Variants in LCORL observed in about 807,000 individuals in gnomAD.
The protein encoded by LCORL is ligand-dependent nuclear receptor corepressor-like protein.
A neutral mutation model predicts 141.8 loss-of-function variants in LCORL; 41 were observed. That is an observed-to-expected ratio of 0.29 (90% CI 0.23 to 0.38). LCORL has a LOEUF of 0.38. Ranked by LOEUF, LCORL falls within the 10% of genes least tolerant of loss-of-function variation. The pLI is 1.00. For missense variants in LCORL, 1,759 were observed against 2,035.0 expected, an observed-to-expected ratio of 0.86 and a Z score of 2.61; for synonymous variants, 618 against 694.1, an observed-to-expected ratio of 0.89 and a Z score of 1.72.
Position 17,886,207 on chromosome 4 carries a change from G to T in LCORL, c.683-46C>A, listed in dbSNP as rs745540156. 3.8e-5 allele frequency: 34 copies of T among 899,388 alleles called. No individual in the cohort carries two copies. In the East Asian group the frequency reaches 8.1e-4, roughly 21 times the overall value. The allele number at this position is 899,388 out of a possible 1,614,324, so 55.7% of individuals were successfully genotyped here. On this transcript the variant is annotated intron_variant, in intron 5 of 7. Coordinates refer to ENST00000635767, the Ensembl canonical transcript of LCORL. ...AAAACTTTATATTTGCAACAGATAG[G>T]CAATCCTTACATTTTAATATTTCAT...
At chr4:18,006,489 A>G (rs927709195) in intron 1 of LCORL, among the ~76,000 whole-genome samples, 4 of 152,078 alleles carry the variant, frequency 2.6e-5, no homozygotes, top group African/African-American at 9.7e-5. Flanking sequence ...AATTTACTGT[A>G]TTAGTCCATT....
chr4:17,882,121 G>T, intron 6 of LCORL: 3 of 984,130 alleles, frequency 3.0e-6, no homozygotes, highest in Non-Finnish European at 3.6e-6. Context: ...CATGTAAGCA[G>T]TTTTAAAATT....
chr4:17,877,358 G>T (rs1727034244), exon 7 of LCORL: 2 of 1,230,148 alleles, frequency 1.6e-6, no homozygotes, highest in Admixed American at 8.5e-5. Context: ...TCATATCCGT[G>T]GTTTCTATTG....
chr4:17,989,771 A>G (rs1194273919), intron 1 of LCORL, among the ~76,000 whole-genome samples: 1 of 152,246 alleles, frequency 6.6e-6, no homozygotes, highest in Non-Finnish European at 1.5e-5. Flanking sequence ...CTGTGCCTTA[A>G]AACAACACAA....
intron 4 of LCORL, among the ~76,000 whole-genome samples, chr4:17,955,134 A>G (rs1361374316): frequency 6.6e-6 from 1 of 152,210 alleles, no homozygotes; most frequent in Non-Finnish European, 1.5e-5. Flanking sequence ...GGTCAAGAAG[A>G]AGAAAACCAG....
chr4:17,965,329 C>A (rs558954728), intron 2 of LCORL, among the ~76,000 whole-genome samples: 1 of 152,166 alleles, frequency 6.6e-6, no homozygotes, highest in South Asian at 2.1e-4. Flanking sequence ...AAAATCAACT[C>A]TAGGCCAGAT....
At chr4:17,947,112 G>A (rs1434070299) in intron 4 of LCORL, among the ~76,000 whole-genome samples, 2 of 151,974 alleles carry the variant, frequency 1.3e-5, no homozygotes, top group Non-Finnish European at 2.9e-5. Context: ...ATCAAGCTAA[G>A]TGTCCAGCCG....
chr4:17,999,003 TACAC>T lies in LCORL; in HGVS notation c.154+22591_154+22594del, dbSNP rs1164083963. 1.2e-3 allele frequency among the ~76,000 whole-genome samples: 80 copies of T among 64,996 alleles called. 1 individual carries two copies. Among genetic ancestry groups the T allele is most frequent in the African/African-American group, 3.4e-3 (61 of 17,990 alleles). The allele number at this position is 64,996 out of a possible 152,430, so 42.6% of individuals were successfully genotyped here. ...AAAAAAAAATATATATATATATATA[TACAC>T]ACATATATATATATATATATATAGT... On this transcript the variant is annotated intron_variant, in intron 1 of 7. Coordinates refer to ENST00000635767, the Ensembl canonical transcript of LCORL.
chr4:17,970,698 C>G (rs1415082463), intron 2 of LCORL, among the ~76,000 whole-genome samples: 1 of 152,180 alleles, frequency 6.6e-6, no homozygotes, highest in African/African-American at 2.4e-5. Context: ...TTGAGAACCT[C>G]AAAGGCCTTA....
rs2109183522 is a variant in LCORL at position 17,876,025 on chromosome 4, C to T, written c.2965G>A (p.Val989Ile). ...GTTGTAGGTTTTTCAGAAGGGAGAA[C>T]AACATTTGAATGGGAAGTGCCAACT... is the stretch of plus-strand genomic sequence containing the variant. The change falls in exon 7 of 8, where the codon GTT becomes ATT. Residue 989 changes from valine to isoleucine, a missense_variant. By Grantham distance (29) the Val-to-Ile change is conservative. Around this residue, in one of 5 missense-constraint regions of LCORL, gnomAD observed 1,311 missense variants for 1,531.3 expected, o/e 0.86. Transcript: ENST00000635767. The T allele has an allele frequency of 4.9e-6, 6 of 1,230,874 alleles. No individual in the cohort carries two copies. The South Asian group carries it at 1.2e-4, about 25-fold the overall frequency. The allele number at this position is 1,230,874 out of a possible 1,614,324, so 76.2% of individuals were successfully genotyped here.
At chr4:17,992,807 C>G (rs1028853559) in intron 1 of LCORL, among the ~76,000 whole-genome samples, 3 of 152,182 alleles carry the variant, frequency 2.0e-5, no homozygotes, top group African/African-American at 4.8e-5. Context: ...AAGCACCATA[C>G]TCATAAATGT....
At chr4:17,896,247 C>T (rs1729902718) in intron 5 of LCORL, among the ~76,000 whole-genome samples, 1 of 151,984 alleles carries the variant, frequency 6.6e-6, no homozygotes, top group Non-Finnish European at 1.5e-5. Flanking sequence ...GAAACAATGT[C>T]TTTCTTTCTT....
chr4:17,923,069 G>T (rs1418582681), intron 4 of LCORL, among the ~76,000 whole-genome samples: 2 of 152,204 alleles, frequency 1.3e-5, no homozygotes, highest in African/African-American at 4.8e-5. Flanking sequence ...GTCCCGGCAG[G>T]CCCCTAGAGG....
At chr4:17,996,039 T>C (rs1422823772) in intron 1 of LCORL, among the ~76,000 whole-genome samples, 1 of 152,136 alleles carries the variant, frequency 6.6e-6, no homozygotes, top group Non-Finnish European at 1.5e-5. Context: ...TTAATTTGCA[T>C]GGAACTTCTT....
intron 5 of LCORL, among the ~76,000 whole-genome samples, chr4:17,891,273 G>A (rs1411150970): frequency 6.6e-6 from 1 of 152,006 alleles, no homozygotes; most frequent in Non-Finnish European, 1.5e-5. Context: ...TACTTGAGAG[G>A]CTGAGACGGA....
rs1168946671 is a variant in LCORL at position 18,021,241 on chromosome 4, G to T, written c.154+357C>A. 3.9e-5 allele frequency among the ~76,000 whole-genome samples: 6 copies of T among 152,120 alleles called. No homozygotes were observed. The highest frequency in any genetic ancestry group is 1.4e-4 in the African/African-American group (6 of 41,462). ...CGCCAGGGCGCCGACCCACCGGGCCGCTTCCTCCGTCCTGTCAGGGTGGAC... is the reference window on the plus strand; with the variant it reads ...CGCCAGGGCGCCGACCCACCGGGCCTCTTCCTCCGTCCTGTCAGGGTGGAC... On this transcript the variant is annotated intron_variant, in intron 1 of 7. Transcript: ENST00000635767. The surrounding 1 kb of genome is among the most constrained non-coding windows in gnomAD (Gnocchi z 5.5).
At chr4:17,876,163 C>G in exon 7 of LCORL, 1 of 1,230,894 alleles carries the variant, frequency 8.1e-7, no homozygotes, top group African/African-American at 1.6e-5. Context: ...TCATATTTTG[C>G]TGGTACATTT....
intron 4 of LCORL, among the ~76,000 whole-genome samples, chr4:17,935,011 T>C (rs7692995): frequency 0.23 from 34,994 of 152,082 alleles, 5,040 homozygotes; most frequent in African/African-American, 0.4. Context: ...ACTCAATATG[T>C]AGTTTCATAG....
exon 7 of LCORL, chr4:17,876,343 T>G (rs559601007): frequency 6.1e-4 from 757 of 1,230,942 alleles, no homozygotes; most frequent in Non-Finnish European, 7.5e-4. Flanking sequence ...CTATTTAGAG[T>G]AAGAGTCATA....
Sources: gnomAD v4.1 joint callset for allele counts (sites outside exome capture counted in the v4.1 genomes callset) on GRCh38, gnomAD v4.1.1 for gene constraint, gnomAD v4.1.1 regional missense constraint, Gnocchi (gnomAD v3.1) non-coding constraint, MANE v1.5 for transcripts, NCBI Gene and HGNC (gene_info 2026-07-23, HGNC 2026-07-21) for gene names.